NOX4: variants seen among roughly 807,000 people sequenced by gnomAD.
NOX4 encodes kidney oxidase-1.
A neutral mutation model predicts 87.6 loss-of-function variants in NOX4; 69 were observed. That is an observed-to-expected ratio of 0.79 (90% CI 0.65 to 0.96). The LOEUF is 0.96. NOX4 is among the 40% of genes least tolerant of loss of function. NOX4 has a pLI of 0.00. For missense variants in NOX4, 680 were observed against 681.5 expected (o/e 1.00, Z 0.02); for synonymous variants, 275 against 238.2 (o/e 1.15, Z -1.42).
At chr11:89,359,196 GA>G (rs1231061224) in intron 12 of NOX4, among the ~76,000 whole-genome samples, 2 of 151,896 alleles carry the variant, frequency 1.3e-5, no homozygotes, top group African/African-American at 4.8e-5. Context: ...TTAATTATTT[GA>G]AAACAAAGAT....
chr11:89,587,472 G>A, the NOX4 span, among the ~76,000 whole-genome samples: 10 of 134,868 alleles, frequency 7.4e-5, no homozygotes, highest in East Asian at 2.0e-3. Context: ...GAACAAAGGT[G>A]GGAGAGGGAA....
chr11:89,395,745 A>G (rs1303235840), intron 11 of NOX4, among the ~76,000 whole-genome samples: 1 of 152,132 alleles, frequency 6.6e-6, no homozygotes, highest in Non-Finnish European at 1.5e-5. Context: ...TCCCAGCTCC[A>G]TTTATTAAAT....
At chr11:89,575,245 C>G in the NOX4 span, among the ~76,000 whole-genome samples, 2 of 140,636 alleles carry the variant, frequency 1.4e-5, no homozygotes, top group South Asian at 4.6e-4. Context: ...AGCTTAGTGC[C>G]TATTAAGAAA....
At chr11:89,542,174 T>A in the NOX4 span, among the ~76,000 whole-genome samples, 1 of 152,210 alleles carries the variant, frequency 6.6e-6, no homozygotes, top group African/African-American at 2.4e-5. Flanking sequence ...AATATTTCTC[T>A]TTTTACTGAA....
chr11:89,472,850 T>C (rs1407891133), intron 2 of NOX4, among the ~76,000 whole-genome samples: 1 of 152,178 alleles, frequency 6.6e-6, no homozygotes, highest in African/African-American at 2.4e-5. Context: ...TAGTGAACAG[T>C]TCACCAGGTG....
chr11:89,350,300 C>T (rs1946401769), intron 13 of NOX4, among the ~76,000 whole-genome samples: 1 of 152,184 alleles, frequency 6.6e-6, no homozygotes, highest in South Asian at 2.1e-4. Flanking sequence ...CATATACATA[C>T]ATACACATAT....
intron 13 of NOX4, among the ~76,000 whole-genome samples, chr11:89,353,057 G>A (rs1366656881): frequency 3.3e-5 from 5 of 152,182 alleles, no homozygotes; most frequent in Admixed American, 6.6e-5. Flanking sequence ...GCCCTCAGGC[G>A]ATCCACCTGC....
chr11:89,507,696 T>C, the NOX4 span, among the ~76,000 whole-genome samples: 1 of 151,910 alleles, frequency 6.6e-6, no homozygotes, highest in African/African-American at 2.4e-5. Flanking sequence ...TGCTTCATTA[T>C]GGTTATTTTC....
intron 2 of NOX4, among the ~76,000 whole-genome samples, chr11:89,459,054 T>A (rs1945333751): frequency 6.6e-6 from 1 of 152,070 alleles, no homozygotes; most frequent in African/African-American, 2.4e-5. Flanking sequence ...GGAATCAACC[T>A]AAATGCTCAT....
chr11:89,570,060 C>T, the NOX4 span, among the ~76,000 whole-genome samples: 1 of 151,098 alleles, frequency 6.6e-6, no homozygotes, highest in Non-Finnish European at 1.5e-5. Context: ...CACATTAATG[C>T]ATATGTTTAT....
chr11:89,332,744 A>G (rs1278311318), intron 17 of NOX4, among the ~76,000 whole-genome samples: 1 of 151,774 alleles, frequency 6.6e-6, no homozygotes, highest in Non-Finnish European at 1.5e-5. Context: ...CAGTCAGGAG[A>G]CTTGTGTTCA....
At chr11:89,418,784 T>C (rs1942931981) in intron 8 of NOX4, among the ~76,000 whole-genome samples, 1 of 152,022 alleles carries the variant, frequency 6.6e-6, no homozygotes, top group African/African-American at 2.4e-5. Context: ...ACTTAGTAGA[T>C]AAATTGCAGA....
chr11:89,443,168 A>G (rs1423646818), intron 5 of NOX4, among the ~76,000 whole-genome samples: 1 of 152,196 alleles, frequency 6.6e-6, no homozygotes, highest in South Asian at 2.1e-4. Flanking sequence ...TAAAATACCA[A>G]TAGAGACAAG....
rs1370697566 is a variant in NOX4, at chr11:89,324,549, G to C, written c.*2207C>G. 6.6e-6 allele frequency: 1 copy of C among 152,100 alleles called. No individual in the cohort carries two copies. The highest frequency in any genetic ancestry group is 2.4e-5 in the African/African-American group (1 of 41,396). The allele number at this position is 152,100 out of a possible 1,614,324, so 9.4% of individuals were successfully genotyped here. On this transcript the variant is annotated 3_prime_UTR_variant, in exon 18 of 18. Transcript: ENST00000263317. ...TACTGGAACTTAAATAAGCAAGGAG[G>C]CTCATCTAGAATGGCAGACCAGCTT...
At chr11:89,468,147 CTGTT>C (rs1396227689) in intron 2 of NOX4, among the ~76,000 whole-genome samples, 1 of 152,186 alleles carries the variant, frequency 6.6e-6, no homozygotes, top group Non-Finnish European at 1.5e-5. Flanking sequence ...AACCTACACT[CTGTT>C]TGAATTCTTC....
chr11:89,531,726 T>C, the NOX4 span, among the ~76,000 whole-genome samples: 1 of 152,352 alleles, frequency 6.6e-6, no homozygotes, highest in Non-Finnish European at 1.5e-5. Context: ...CTTCACCTTC[T>C]GCAAAAACAT....
rs529069466 is a variant in NOX4, at chr11:89,435,672, T to C, written c.476-2816A>G. Reference sequence around the variant, plus strand: ...TTGGAAAGACTTAGAGGAAGTAAAATAGTTTACTTCAGTCATTTGAGGATA... The same window carrying C: ...TTGGAAAGACTTAGAGGAAGTAAAACAGTTTACTTCAGTCATTTGAGGATA... On this transcript the variant is annotated intron_variant, in intron 6 of 17. Transcript: ENST00000263317. 7.2e-5 allele frequency among the ~76,000 whole-genome samples: 11 copies of C among 152,116 alleles called. No homozygotes were observed. The East Asian group carries it at 9.7e-4, about 13-fold the overall frequency.
At chr11:89,526,150 C>G in the NOX4 span, among the ~76,000 whole-genome samples, 3 of 152,110 alleles carry the variant, frequency 2.0e-5, no homozygotes, top group South Asian at 2.1e-4. Flanking sequence ...CTTTGCTTTT[C>G]TTTTTAAAAT....
intron 11 of NOX4, among the ~76,000 whole-genome samples, chr11:89,387,786 TC>T (rs1242830241): frequency 6.6e-5 from 10 of 152,206 alleles, no homozygotes; most frequent in Admixed American, 1.3e-4. Context: ...TCCAATCATC[TC>T]TAATTTATAC....
Sources: gnomAD v4.1 joint callset for allele counts (sites outside exome capture counted in the v4.1 genomes callset) on GRCh38, gnomAD v4.1.1 for gene constraint, MANE v1.5 for transcripts, NCBI Gene and HGNC (gene_info 2026-07-23, HGNC 2026-07-21) for gene names.